The following TMEM273 variants were observed in gnomAD, a reference collection of about 807,000 sequenced individuals.
The protein encoded by TMEM273 is transmembrane protein 273.
A neutral mutation model predicts 17.9 loss-of-function variants in TMEM273; 19 were observed. The observed-to-expected ratio is 1.06, with a 90% CI of 0.74 to 1.55. The LOEUF is 1.55. Among genes scored for constraint, TMEM273 ranks in the 40% most tolerant of loss-of-function variants. The probability of loss-of-function intolerance (pLI) is 0.00; values close to 1 mark genes in which losing one functional copy is unlikely to be tolerated. For missense variants in TMEM273, 194 were observed against 155.6 expected (o/e 1.25, Z -1.31); for synonymous variants, 66 against 62.0 (o/e 1.07, Z -0.31).
intron 3 of TMEM273, 139 bp downstream of exon 3, chr10:49,166,730 T>C (rs2132148940): frequency 7.9e-7 from 1 of 1,267,284 alleles, no homozygotes; most frequent in Non-Finnish European, 1.1e-6. Context: ...GACAGAAACA[T>C]GCAGAGGTCA....
intron 1 of TMEM273, 32 bp downstream of exon 1, chr10:49,188,262 C>T: frequency 1.9e-6 from 3 of 1,613,446 alleles, no homozygotes; most frequent in Non-Finnish European, 2.5e-6. Flanking sequence ...TGAGGCTCCC[C>T]CGGGCCAGAG....
intron 1 of TMEM273, among the ~76,000 whole-genome samples, chr10:49,187,639 T>A (rs898009442): frequency 1.3e-5 from 2 of 152,226 alleles, no homozygotes; most frequent in African/African-American, 2.4e-5. Context: ...TCTCTCTCTC[T>A]CTCTTTGAGT....
intron 5 of TMEM273, among the ~76,000 whole-genome samples, chr10:49,162,777 A>G (rs1845926857): frequency 2.6e-5 from 4 of 151,748 alleles, no homozygotes; most frequent in African/African-American, 9.7e-5. Flanking sequence ...TTCAAAACAG[A>G]CTCCTCCTGC....
At chr10:49,180,626 G>T (rs1486254650) in intron 1 of TMEM273, among the ~76,000 whole-genome samples, 3 of 151,978 alleles carry the variant, frequency 2.0e-5, no homozygotes, top group African/African-American at 4.8e-5. Flanking sequence ...ATTTGTCATA[G>T]CAAGAACCAG....
At position 49,163,078 on chromosome 10, in the gene TMEM273, AC is replaced by A. The variant is rs1159201439; in HGVS notation, c.349-1457del. On this transcript the variant is annotated intron_variant, in intron 5 of 6. Transcript: ENST00000374153. ...CTTAGGAGAACCTGTGATTGTGCCAACCCCCCTAGGGCTAGAAGAACACAGA... is the reference window on the plus strand; with the variant it reads ...CTTAGGAGAACCTGTGATTGTGCCAACCCCCTAGGGCTAGAAGAACACAGA... Among the ~76,000 whole-genome samples, 3 of 150,634 alleles carry A rather than the reference AC, an allele frequency of 2.0e-5. No homozygotes were observed. In the East Asian group the frequency reaches 5.9e-4, roughly 30 times the overall value.
At chr10:49,159,355 T>C (rs2132090967) in intron 6 of TMEM273, among the ~76,000 whole-genome samples, 1 of 152,292 alleles carries the variant, frequency 6.6e-6, no homozygotes, top group East Asian at 1.9e-4. Flanking sequence ...ATTCTAAGGG[T>C]AAAAGCCACT....
At chr10:49,188,240 T>C in intron 1 of TMEM273, 54 bp downstream of exon 1, 1 of 1,602,144 alleles carries the variant, frequency 6.2e-7, no homozygotes, top group South Asian at 1.1e-5. Context: ...GCTCCCCCAG[T>C]TTCCTGCCCA....
intron 1 of TMEM273, among the ~76,000 whole-genome samples, chr10:49,186,125 A>AGAAGAAGAAGAAGAG (rs1403415880): frequency 6.7e-6 from 1 of 148,430 alleles, no homozygotes; most frequent in African/African-American, 2.5e-5. Flanking sequence ...AAGAAGAAAA[A>AGAAGAAGAAGAAGAG]GAGGAAGAAG....
intron 6 of TMEM273, chr10:49,156,263 C>A (rs1986726): frequency 2.2e-6 from 3 of 1,343,394 alleles, no homozygotes; most frequent in Middle Eastern, 2.0e-4. Context: ...CCAGATGCTA[C>A]GAGGAACAAG....
intron 1 of TMEM273, among the ~76,000 whole-genome samples, chr10:49,169,110 G>A (rs1846390868): frequency 6.6e-6 from 1 of 152,186 alleles, no homozygotes; most frequent in African/African-American, 2.4e-5. Context: ...TGAATCCAGT[G>A]AACTAACAGA....
intron 2 of TMEM273, among the ~76,000 whole-genome samples, chr10:49,167,597 C>T (rs1043439027): frequency 1.3e-5 from 2 of 152,188 alleles, no homozygotes; most frequent in African/African-American, 4.8e-5. Context: ...AGGGAGGCAC[C>T]GATGAGGGCT....
At chr10:49,176,850 T>G (rs1217816983) in intron 1 of TMEM273, among the ~76,000 whole-genome samples, 1 of 152,226 alleles carries the variant, frequency 6.6e-6, no homozygotes, top group African/African-American at 2.4e-5. Flanking sequence ...GTGCTAGGCA[T>G]CTCCACTCTA....
Position 49,155,752 on chromosome 10 carries a change from T to C in TMEM273, c.*140A>G. On this transcript the variant is annotated 3_prime_UTR_variant, in exon 7 of 7. Coordinates refer to ENST00000374153, the MANE Select transcript of TMEM273 (RefSeq NM_001288740.3). ...GGCACTGTATATTCTATTCCTTCTA[T>C]TATTTGCCTCCAATATTCAGTCCAT... 1 of 1,175,638 alleles carries C rather than the reference T, an allele frequency of 8.5e-7. No homozygotes were observed. The highest frequency in any genetic ancestry group is 1.9e-4 in the Middle Eastern group (1 of 5,198). 72.8% of individuals were successfully genotyped at this position (1,175,638 alleles called of 1,614,324 possible).
chr10:49,178,778 C>CTGCAT (rs1564643268), intron 1 of TMEM273, among the ~76,000 whole-genome samples: 1 of 152,220 alleles, frequency 6.6e-6, no homozygotes, highest in African/African-American at 2.4e-5. Context: ...ATTTAACACA[C>CTGCAT]TGCATTGCAA....
intron 2 of TMEM273, among the ~76,000 whole-genome samples, chr10:49,167,559 G>T (rs551042746): frequency 6.6e-6 from 1 of 152,320 alleles, no homozygotes; most frequent in African/African-American, 2.4e-5. Flanking sequence ...GCCCTTAAGG[G>T]GCAGACAGGC....
chr10:49,169,129 C>A (rs1210493621), intron 1 of TMEM273, among the ~76,000 whole-genome samples: 1 of 152,156 alleles, frequency 6.6e-6, no homozygotes, highest in African/African-American at 2.4e-5. Context: ...GATACAACAC[C>A]ACCAAAACCA....
intron 1 of TMEM273, among the ~76,000 whole-genome samples, chr10:49,168,889 A>T (rs1846374446): frequency 6.6e-6 from 1 of 152,190 alleles, no homozygotes; most frequent in Admixed American, 6.5e-5. Context: ...TTTATTGGCC[A>T]CTTACTCTGA....
At chr10:49,156,209 G>A in intron 6 of TMEM273, 1 of 1,427,550 alleles carries the variant, frequency 7.0e-7, no homozygotes, top group Non-Finnish European at 9.4e-7. Flanking sequence ...CATATTTTGG[G>A]AAACTTTTCA....
At position 49,165,633 on chromosome 10, in the gene TMEM273, C is replaced by T. The variant is rs117774116; in HGVS notation, c.269+133G>A. On this transcript the variant is annotated intron_variant, in intron 4 of 6. Coordinates refer to ENST00000374153, the MANE Select transcript of TMEM273 (RefSeq NM_001288740.3). Reference sequence around the variant, plus strand: ...AGGAGAGAGTGTAAGGAGGGGACCACGAGGTGCATTCTAGTCACCTAGAAA... The same window carrying T: ...AGGAGAGAGTGTAAGGAGGGGACCATGAGGTGCATTCTAGTCACCTAGAAA... 8.5e-4 allele frequency: 1,160 copies of T among 1,357,708 alleles called. 3 individuals carry two copies. In the East Asian group the frequency reaches 0.018, roughly 21 times the overall value. 84.1% of individuals were successfully genotyped at this position (1,357,708 alleles called of 1,614,324 possible). A position where few individuals can be genotyped will look rare whatever the true frequency, so the allele number is the denominator to read the frequency against.
Sources: gnomAD v4.1 joint callset for allele counts (sites outside exome capture counted in the v4.1 genomes callset) on GRCh38, gnomAD v4.1.1 for gene constraint, MANE v1.5 for transcripts, NCBI Gene and HGNC (gene_info 2026-07-23, HGNC 2026-07-21) for gene names.